The following CCDC171 variants were observed in gnomAD, a reference collection of about 807,000 sequenced individuals.
CCDC171 encodes coiled-coil domain-containing protein 171.
In CCDC171, 177 loss-of-function variants were observed where a neutral mutation model predicts 168.2. The observed-to-expected ratio is 1.05, with a 90% CI of 0.93 to 1.19. The LOEUF (loss-of-function observed/expected upper bound fraction) is 1.19. CCDC171 is among the 50% of genes most tolerant of loss of function. The pLI, the probability that CCDC171 is intolerant of heterozygous loss-of-function variation, is 0.00. For synonymous variants in CCDC171, 687 were observed against 540.8 expected, an observed-to-expected ratio of 1.27 and a Z score of -3.75; for missense variants, 1,991 against 1,539.0, an observed-to-expected ratio of 1.29 and a Z score of -4.91.
intron 6 of CCDC171, among the ~76,000 whole-genome samples, chr9:15,622,931 T>C (rs2044622271): frequency 6.6e-6 from 1 of 152,206 alleles, no homozygotes; most frequent in African/African-American, 2.4e-5. Context: ...AAAATTTTAA[T>C]GAGAAGGGGA....
intron 6 of CCDC171, among the ~76,000 whole-genome samples, chr9:15,599,960 T>G (rs2042702271): frequency 6.6e-6 from 1 of 151,926 alleles, no homozygotes; most frequent in Non-Finnish European, 1.5e-5. Flanking sequence ...AGCTTGTGCA[T>G]TCGTCACATA....
intron 7 of CCDC171, among the ~76,000 whole-genome samples, chr9:15,625,150 T>A (rs1211861161): frequency 1.3e-5 from 2 of 152,196 alleles, no homozygotes; most frequent in African/African-American, 4.8e-5. Context: ...TTCGCCCACT[T>A]TTTGATGGGG....
intron 25 of CCDC171, among the ~76,000 whole-genome samples, chr9:15,942,485 G>T (rs979984784): frequency 1.3e-5 from 2 of 151,902 alleles, no homozygotes; most frequent in Non-Finnish European, 2.9e-5. Context: ...TTGCTGTTGT[G>T]TGGGTTGTAT....
intron 21 of CCDC171, among the ~76,000 whole-genome samples, chr9:15,846,369 C>T (rs2060893991): frequency 6.6e-6 from 1 of 151,914 alleles, no homozygotes. Context: ...GTGCTTTCTC[C>T]CCTGAAATCT....
intron 1 of CCDC171, among the ~76,000 whole-genome samples, chr9:16,047,172 A>G (rs756610441): frequency 6.6e-6 from 1 of 152,166 alleles, no homozygotes; most frequent in South Asian, 2.1e-4. Flanking sequence ...TAGGGTGGTG[A>G]GTGGGGGTGG....
rs1461912769 is a variant in CCDC171, at chr9:15,821,060, A to G, written c.3268-25642A>G. Among the ~76,000 whole-genome samples, 3 of 117,906 alleles carry G rather than the reference A, an allele frequency of 2.5e-5. 1 individual carries two copies. The highest frequency in any genetic ancestry group is 5.7e-5 in the Non-Finnish European group (3 of 52,490). 77.4% of individuals were successfully genotyped at this position (117,906 alleles called of 152,430 possible). A position where few individuals can be genotyped will look rare whatever the true frequency, so the allele number is the denominator to read the frequency against. ...TGAAAATCAATAAACATAATCCAGC[A>G]TATAAACAGACCCAAAGACAAAAAT... On this transcript the variant is annotated intron_variant, in intron 21 of 25. Transcript: ENST00000380701.
intron 24 of CCDC171, among the ~76,000 whole-genome samples, chr9:15,912,122 G>A (rs1823751414): frequency 6.6e-6 from 1 of 152,116 alleles, no homozygotes. Flanking sequence ...GGCATTGAAT[G>A]TATAAATTAC....
At chr9:16,075,875 C>CAGCATAGCAT in the CCDC171 span, among the ~76,000 whole-genome samples, 14 of 152,080 alleles carry the variant, frequency 9.2e-5, no homozygotes, top group African/African-American at 3.4e-4. Flanking sequence ...CAGCACAGCA[C>CAGCATAGCAT]AGCATAGCAT....
At chr9:15,635,426 G>A (rs917968584) in intron 7 of CCDC171, among the ~76,000 whole-genome samples, 4 of 152,116 alleles carry the variant, frequency 2.6e-5, no homozygotes, top group South Asian at 2.1e-4. Context: ...AAAAATTGAA[G>A]AACTTGGAGT....
intron 11 of CCDC171, among the ~76,000 whole-genome samples, chr9:15,702,775 T>C (rs2133902294): frequency 6.6e-6 from 1 of 152,340 alleles, no homozygotes; most frequent in South Asian, 2.1e-4. Flanking sequence ...GGCCTTACAC[T>C]TTTGTGTTAT....
chr9:15,896,611 G>T (rs1299730560), intron 24 of CCDC171, among the ~76,000 whole-genome samples: 3 of 152,014 alleles, frequency 2.0e-5, no homozygotes, highest in African/African-American at 7.2e-5. Flanking sequence ...GACTAAGGAG[G>T]TTGCATATTT....
chr9:16,030,706 A>C (rs896060119), intron 6 of CCDC171, among the ~76,000 whole-genome samples: 5 of 152,192 alleles, frequency 3.3e-5, no homozygotes, highest in Non-Finnish European at 5.9e-5. Context: ...CACAGAATGC[A>C]GAGGACCTGA....
intron 1 of CCDC171, among the ~76,000 whole-genome samples, chr9:15,562,547 T>C (rs2039395079): frequency 6.6e-6 from 1 of 152,150 alleles, no homozygotes; most frequent in South Asian, 2.1e-4. Flanking sequence ...CCTTTAACTT[T>C]ATTGAAACAA....
At chr9:16,064,194 C>CCACCT (rs1833966728), downstream of CCDC171, among the ~76,000 whole-genome samples, 2 of 152,158 alleles carry the variant, frequency 1.3e-5, no homozygotes, top group African/African-American at 4.8e-5. Flanking sequence ...ATAACAAAAG[C>CCACCT]ATGCTTTTGT....
Position 15,666,294 on chromosome 9 carries a change from T to C in CCDC171, c.1047T>C (p.Asn349=), listed in dbSNP as rs377566421. 5.0e-6 allele frequency: 8 copies of C among 1,612,020 alleles called. No individual in the cohort carries two copies. The highest frequency in any genetic ancestry group is 2.7e-5 in the African/African-American group (2 of 74,870). Residue 349 remains asparagine, a synonymous_variant, in exon 9 of 26, where the codon AAT becomes AAC. Transcript: ENST00000380701. ...VESAYEREKH[N]AQESFAKLNL... ...GTGCATATGAGCGAGAAAAGCATAA[T>C]GCACAAGAGAGCTTTGCAAAACTAA...
intron 25 of CCDC171, among the ~76,000 whole-genome samples, chr9:15,970,089 G>A (rs573524827): frequency 7.9e-5 from 12 of 152,252 alleles, no homozygotes; most frequent in African/African-American, 2.9e-4. Flanking sequence ...TATAAAAAGA[G>A]ATGATTTCCG....
intron 11 of CCDC171, among the ~76,000 whole-genome samples, chr9:15,713,741 T>C (rs748189031): frequency 3.2e-4 from 49 of 152,072 alleles, no homozygotes; most frequent in Non-Finnish European, 5.7e-4. Flanking sequence ...ATATACATCT[T>C]GAATTTGAGT....
intron 21 of CCDC171, among the ~76,000 whole-genome samples, chr9:15,792,479 A>C (rs1263765489): frequency 6.6e-6 from 1 of 152,160 alleles, no homozygotes; most frequent in African/African-American, 2.4e-5. Flanking sequence ...AGAACGCCAC[A>C]AAGATACTCC....
Position 15,901,570 on chromosome 9 carries a change from T to A in CCDC171, c.3601-18700T>A, listed in dbSNP as rs557049242. ...CTATCTGTGGACATCCTATAATTTT[T>A]TTTATTTTAACTCACTTTGTTGACT... is the stretch of plus-strand genomic sequence containing the variant. On this transcript the variant is annotated intron_variant, in intron 24 of 25. Transcript: ENST00000380701. Among the ~76,000 whole-genome samples the A allele has an allele frequency of 5.9e-5, 9 of 152,354 alleles. No homozygotes were observed. The South Asian group carries it at 6.2e-4, about 11-fold the overall frequency.
Sources: gnomAD v4.1 joint callset for allele counts (sites outside exome capture counted in the v4.1 genomes callset) on GRCh38, gnomAD v4.1.1 for gene constraint, MANE v1.5 for transcripts, NCBI Gene and HGNC (gene_info 2026-07-23, HGNC 2026-07-21) for gene names.